HMCES: variants seen among roughly 807,000 people sequenced by gnomAD.
The protein encoded by HMCES is abasic site processing protein HMCES.
HMCES carries 27 observed loss-of-function variants against 35.1 expected under a neutral mutation model. The observed-to-expected ratio is 0.77, with a 90% CI of 0.57 to 1.06. HMCES has a LOEUF of 1.06. Ranked by LOEUF, HMCES falls within the 50% of genes least tolerant of loss-of-function variation. The pLI, the probability that HMCES is intolerant of heterozygous loss-of-function variation, is 0.00. For synonymous variants in HMCES, 130 were observed against 154.7 expected, an observed-to-expected ratio of 0.84 and a Z score of 1.18; for missense variants, 391 against 430.4, an observed-to-expected ratio of 0.91 and a Z score of 0.81.
intron 2 of HMCES, among the ~76,000 whole-genome samples, chr3:129,280,744 G>A (rs1940452869): frequency 6.6e-6 from 1 of 152,052 alleles, no homozygotes. Context: ...CATTCATTGT[G>A]TTTATAGTAT....
chr3:129,287,037 C>T lies in HMCES; in HGVS notation c.184-1817C>T, dbSNP rs897801070. On this transcript the variant is annotated intron_variant, in intron 2 of 6. Transcript: ENST00000383463. ...TGTCTAAGGTTTATTAGTAAAAGGA[C>T]GCAGAATAGAATCAGCAAAGGAAAA... is the stretch of plus-strand genomic sequence containing the variant. 1.2e-4 allele frequency among the ~76,000 whole-genome samples: 18 copies of T among 152,150 alleles called. No individual in the cohort carries two copies. In the South Asian group the frequency reaches 2.1e-3, roughly 18 times the overall value.
intron 5 of HMCES, among the ~76,000 whole-genome samples, chr3:129,300,079 T>C (rs973584962): frequency 6.0e-5 from 9 of 151,012 alleles, no homozygotes; most frequent in African/African-American, 1.5e-4. Flanking sequence ...TTCTTTTCAA[T>C]ATTTAAAATG....
In HMCES at chr3:129,304,792, G is replaced by A. The variant is rs2071215713; in HGVS notation, c.1032G>A (p.Glu344=). ...LEQWLKREKE[E]EPVAKRPYSQ The stretch of plus-strand genomic sequence containing the variant: ...AATGGCTGAAGCGGGAGAAGGAGGA[G>A]GAACCTGTGGCCAAGCGTCCTTACA... Residue 344 remains glutamate (E), a synonymous_variant, in exon 7 of 7, where the codon GAG becomes GAA. Coordinates refer to ENST00000383463, the MANE Select transcript of HMCES (RefSeq NM_020187.3). 1 of 1,614,140 alleles carries A rather than the reference G, an allele frequency of 6.2e-7. No individual in the cohort carries two copies. The highest frequency in any genetic ancestry group is 8.5e-7 in the Non-Finnish European group (1 of 1,180,010).
At chr3:129,283,984 A>C (rs1940565835) in intron 2 of HMCES, among the ~76,000 whole-genome samples, 1 of 152,212 alleles carries the variant, frequency 6.6e-6, no homozygotes, top group African/African-American at 2.4e-5. Flanking sequence ...CTTTCTCACA[A>C]ACACACACAA....
intron 2 of HMCES, among the ~76,000 whole-genome samples, chr3:129,281,869 G>A (rs1408124915): frequency 1.4e-5 from 2 of 147,440 alleles, no homozygotes; most frequent in African/African-American, 5.1e-5. Context: ...GGAGGTTGCA[G>A]TGAGTCGAGA....
At position 129,305,549 on chromosome 3, in the gene HMCES, C is replaced by CT. The variant is rs1450070281; in HGVS notation, c.*726dup. 6.6e-6 allele frequency: 1 copy of CT among 152,206 alleles called. No individual in the cohort carries two copies. Among genetic ancestry groups the CT allele is most frequent in the Admixed American group, 6.5e-5 (1 of 15,280 alleles). The allele number at this position is 152,206 out of a possible 1,614,324, so 9.4% of individuals were successfully genotyped here. ...AGTGCTTGCCGTAGCAGAAACTATC[C>CT]TTACCACAGGTGGGAAGGAAAGGAC... On this transcript the variant is annotated 3_prime_UTR_variant, in exon 7 of 7. Transcript: ENST00000383463.
rs372605139 is a variant in HMCES, at chr3:129,304,757, C to T, written c.997C>T (p.Leu333Phe). Residue 333 changes from leucine to phenylalanine, a missense_variant, in exon 7 of 7, where the codon CTC becomes TTC. By Grantham distance (22) the Leu-to-Phe change is conservative. Transcript: ENST00000383463. ...PLPTKRGTAGLLEQWLKREKE... is the reference protein window; with the variant it reads ...PLPTKRGTAGFLEQWLKREKE... Reference sequence around the variant, plus strand: ...CCCCACCAAGAGAGGCACTGCAGGACTCCTAGAGCAATGGCTGAAGCGGGA... The same window carrying T: ...CCCCACCAAGAGAGGCACTGCAGGATTCCTAGAGCAATGGCTGAAGCGGGA... The T allele has an allele frequency of 4.3e-6, 7 of 1,614,160 alleles. No homozygotes were observed. The highest frequency in any genetic ancestry group is 1.7e-5 in the Admixed American group (1 of 60,018).
chr3:129,304,881 G>T lies in HMCES; in HGVS notation c.*56G>T. On this transcript the variant is annotated 3_prime_UTR_variant, in exon 7 of 7. Transcript: ENST00000383463. ...CTGCTGCACTGCTGTTCTGATAATAGGTTCTTAACATTGTATGTATATGTG... is the reference window on the plus strand; with the variant it reads ...CTGCTGCACTGCTGTTCTGATAATATGTTCTTAACATTGTATGTATATGTG... 5 of 1,351,086 alleles carry T rather than the reference G, an allele frequency of 3.7e-6. No homozygotes were observed. Among genetic ancestry groups the T allele is most frequent in the Non-Finnish European group, 5.3e-6 (5 of 944,802 alleles). The allele number at this position is 1,351,086 out of a possible 1,614,324, so 83.7% of individuals were successfully genotyped here. A position where few individuals can be genotyped will look rare whatever the true frequency, so the allele number is the denominator to read the frequency against.
At chr3:129,296,203 A>G (rs1052720405) in intron 4 of HMCES, among the ~76,000 whole-genome samples, 5 of 152,084 alleles carry the variant, frequency 3.3e-5, no homozygotes, top group African/African-American at 1.2e-4. Context: ...GATTACAGGC[A>G]TGCACCACCA....
At chr3:129,296,294 C>T (rs1033554589) in intron 4 of HMCES, among the ~76,000 whole-genome samples, 5 of 152,146 alleles carry the variant, frequency 3.3e-5, no homozygotes, top group Admixed American at 2.6e-4. Context: ...CGCCTGACCT[C>T]AAGTGATCTG....
At chr3:129,302,299 A>G (rs2071179341) in intron 6 of HMCES, among the ~76,000 whole-genome samples, 157 bp downstream of exon 6, 1 of 151,876 alleles carries the variant, frequency 6.6e-6, no homozygotes, top group African/African-American at 2.4e-5. Flanking sequence ...TAGAGCAGCA[A>G]TTCTCAAACC....
At position 129,301,941 on chromosome 3, in the gene HMCES, C is replaced by G. The variant is rs780137547; in HGVS notation, c.636-9C>G. 3.1e-6 allele frequency: 5 copies of G among 1,608,192 alleles called. No homozygotes were observed. The highest frequency in any genetic ancestry group is 4.2e-6 in the Non-Finnish European group (5 of 1,176,882). ...CTCTCCCAACCATTGTCTTAACTTC[C>G]CTGGCCAGGATGCCTGCCATATTAG... On this transcript the variant is annotated splice_polypyrimidine_tract_variant and intron_variant, in intron 5 of 6. Coordinates refer to ENST00000383463, the MANE Select transcript of HMCES (RefSeq NM_020187.3).
In HMCES at chr3:129,288,011, C is replaced by T. The variant is rs555565868; in HGVS notation, c.184-843C>T. On this transcript the variant is annotated intron_variant, in intron 2 of 6. Transcript: ENST00000383463. ...GGCAGAGGTTGCAATGAGCCAAGAT[C>T]GTGCCACTGCACTCCAGCTTGGGCA... 6.6e-5 allele frequency among the ~76,000 whole-genome samples: 10 copies of T among 152,138 alleles called. No individual in the cohort carries two copies. The East Asian group carries it at 1.7e-3, about 26-fold the overall frequency.
intron 4 of HMCES, 120 bp from the exon 5 acceptor site, chr3:129,298,234 G>T (rs2071116513): frequency 2.3e-6 from 2 of 867,778 alleles, no homozygotes; most frequent in East Asian, 2.5e-5. Flanking sequence ...GGGTTAATAA[G>T]ACGTGGGCTG....
rs931853192 is a variant in HMCES, at chr3:129,305,032, T to A, written c.*207T>A. 1 of 582,686 alleles carries A rather than the reference T, an allele frequency of 1.7e-6. No individual in the cohort carries two copies. Among genetic ancestry groups the A allele is most frequent in the Non-Finnish European group, 3.0e-6 (1 of 328,028 alleles). The allele number at this position is 582,686 out of a possible 1,614,324, so 36.1% of individuals were successfully genotyped here. On this transcript the variant is annotated 3_prime_UTR_variant, in exon 7 of 7. Coordinates refer to ENST00000383463, the MANE Select transcript of HMCES (RefSeq NM_020187.3). ...TTTGGAAGAGGTGTCCTGCTGCTGT[T>A]ACCAGCCATGTGGGCCCCATAGGGG...
chr3:129,283,445 C>T (rs981048821), intron 2 of HMCES, among the ~76,000 whole-genome samples: 2 of 151,232 alleles, frequency 1.3e-5, no homozygotes, highest in South Asian at 4.2e-4. Context: ...GATCCTGCTG[C>T]CTCAACCTCC....
chr3:129,302,281 A>G (rs969198677), intron 6 of HMCES, 139 bp downstream of exon 6: 3 of 661,988 alleles, frequency 4.5e-6, no homozygotes, highest in Non-Finnish European at 7.3e-6. Context: ...GTACACAGCA[A>G]GGTAGTGTAG....
At chr3:129,293,849 A>G (rs1290279098) in intron 4 of HMCES, among the ~76,000 whole-genome samples, 2 of 152,130 alleles carry the variant, frequency 1.3e-5, no homozygotes, top group East Asian at 1.9e-4. Flanking sequence ...GATTACAGGC[A>G]TGAGCTACTG....
At chr3:129,299,165 A>G (rs2071130258) in intron 5 of HMCES, among the ~76,000 whole-genome samples, 1 of 152,148 alleles carries the variant, frequency 6.6e-6, no homozygotes, top group South Asian at 2.1e-4. Flanking sequence ...ACATACATAC[A>G]TACATACTAC....
Sources: allele counts gnomAD v4.1 joint callset (sites outside exome capture counted in the v4.1 genomes callset), GRCh38; gene constraint gnomAD v4.1.1; transcripts MANE v1.5; gene names NCBI Gene and HGNC (gene_info 2026-07-23, HGNC 2026-07-21).